LRFN2: variants seen among roughly 807,000 people sequenced by gnomAD.
LRFN2 encodes the protein leucine rich repeat and fibronectin type III domain containing 2.
In LRFN2, 18 loss-of-function variants were observed where a neutral mutation model predicts 37.3. The observed-to-expected ratio is 0.48, with a 90% CI of 0.33 to 0.72. The LOEUF (loss-of-function observed/expected upper bound fraction) is 0.72. Ranked by LOEUF, LRFN2 falls within the 30% of genes least tolerant of loss-of-function variation. The probability of loss-of-function intolerance (pLI) is 0.02; values close to 1 mark genes in which losing one functional copy is unlikely to be tolerated. For missense variants in LRFN2, 1,006 were observed against 1,060.7 expected (o/e 0.95, Z 0.72); for synonymous variants, 556 against 466.6 (o/e 1.19, Z -2.47).
Position 40,442,726 on chromosome 6 carries a change from C to T in LRFN2, c.-18-9595G>A, listed in dbSNP as rs570047069. Among the ~76,000 whole-genome samples the T allele has an allele frequency of 5.4e-4, 83 of 152,318 alleles. 2 individuals carry two copies. The South Asian group carries it at 0.016, about 30-fold the overall frequency. ...CAAGGATAAGCCCAAATTTCTGCCT[C>T]CTGGGTCTGAGGCTGACATGAGCAA... On this transcript the variant is annotated intron_variant, in intron 1 of 2. Coordinates refer to ENST00000338305, the MANE Select transcript of LRFN2 (RefSeq NM_020737.3).
At chr6:40,401,415 T>C (rs1040851881) in intron 2 of LRFN2, among the ~76,000 whole-genome samples, 1 of 152,232 alleles carries the variant, frequency 6.6e-6, no homozygotes, top group Admixed American at 6.5e-5. Context: ...GCTGGACCCT[T>C]GGGCAGGATG....
At chr6:40,460,749 G>T (rs547454175) in intron 1 of LRFN2, among the ~76,000 whole-genome samples, 1 of 152,178 alleles carries the variant, frequency 6.6e-6, no homozygotes, top group African/African-American at 2.4e-5. Flanking sequence ...CCCTGGGATA[G>T]ATCACCACAG....
At chr6:40,575,056 G>A (rs1244375236) in intron 1 of LRFN2, among the ~76,000 whole-genome samples, 1 of 152,192 alleles carries the variant, frequency 6.6e-6, no homozygotes, top group Non-Finnish European at 1.5e-5. Context: ...GATGGAGGAA[G>A]TGAGGATGTG....
intron 1 of LRFN2, among the ~76,000 whole-genome samples, chr6:40,447,879 A>G (rs1034098132): frequency 6.6e-6 from 1 of 152,170 alleles, no homozygotes; most frequent in Non-Finnish European, 1.5e-5. Flanking sequence ...GGACCCTAGG[A>G]CTGACCCCTG....
At chr6:40,440,500 G>A (rs986098884) in intron 1 of LRFN2, among the ~76,000 whole-genome samples, 11 of 152,130 alleles carry the variant, frequency 7.2e-5, no homozygotes, top group Non-Finnish European at 1.5e-4. Flanking sequence ...ATGAATAAAT[G>A]AATGAATGAA....
At chr6:40,526,451 C>T (rs1191048296) in intron 1 of LRFN2, among the ~76,000 whole-genome samples, 4 of 152,220 alleles carry the variant, frequency 2.6e-5, no homozygotes, top group Non-Finnish European at 4.4e-5. Context: ...CTTATGCTCC[C>T]AGGAAGGCGT....
At chr6:40,439,265 G>A (rs1198114065) in intron 1 of LRFN2, among the ~76,000 whole-genome samples, 1 of 152,206 alleles carries the variant, frequency 6.6e-6, no homozygotes, top group Non-Finnish European at 1.5e-5. Context: ...TCCGCTTCAG[G>A]TAAAAAGAAA....
intron 1 of LRFN2, among the ~76,000 whole-genome samples, chr6:40,505,030 A>G (rs1257488603): frequency 6.6e-6 from 1 of 152,194 alleles, no homozygotes; most frequent in African/African-American, 2.4e-5. Context: ...CAGAGGGCAG[A>G]GGTGAAGACT....
intron 1 of LRFN2, among the ~76,000 whole-genome samples, chr6:40,471,344 G>C (rs1402907487): frequency 6.6e-6 from 1 of 152,160 alleles, no homozygotes; most frequent in African/African-American, 2.4e-5. Flanking sequence ...TGAGTAGGCT[G>C]TCACTGCATG....
intron 1 of LRFN2, among the ~76,000 whole-genome samples, chr6:40,541,897 A>C (rs1375229143): frequency 6.6e-6 from 1 of 152,204 alleles, no homozygotes; most frequent in Non-Finnish European, 1.5e-5. Context: ...TATGTTATGC[A>C]AACGCCTGCA....
chr6:40,581,477 G>A (rs1163681500), intron 1 of LRFN2, among the ~76,000 whole-genome samples: 1 of 152,188 alleles, frequency 6.6e-6, no homozygotes, highest in Non-Finnish European at 1.5e-5. Flanking sequence ...CCAGCCATCA[G>A]TGCCTTGTGC....
At chr6:40,526,137 G>T (rs1031163339) in intron 1 of LRFN2, among the ~76,000 whole-genome samples, 34 of 152,364 alleles carry the variant, frequency 2.2e-4, no homozygotes, top group Admixed American at 1.8e-3. Flanking sequence ...TGCAACAAGA[G>T]TGCTACTGCT....
At chr6:40,462,255 T>C (rs1764364097) in intron 1 of LRFN2, among the ~76,000 whole-genome samples, 1 of 152,164 alleles carries the variant, frequency 6.6e-6, no homozygotes, top group African/African-American at 2.4e-5. Context: ...GAAGCATGGG[T>C]GAGCTCAGGA....
intron 1 of LRFN2, among the ~76,000 whole-genome samples, chr6:40,470,426 A>G (rs1303227527): frequency 6.6e-6 from 1 of 152,226 alleles, no homozygotes; most frequent in African/African-American, 2.4e-5. Flanking sequence ...CCTGGTCAAC[A>G]TGGTGAAACC....
At chr6:40,573,942 C>G (rs1481542054) in intron 1 of LRFN2, among the ~76,000 whole-genome samples, 2 of 152,188 alleles carry the variant, frequency 1.3e-5, no homozygotes, top group Non-Finnish European at 2.9e-5. Flanking sequence ...GCCTGGGCAA[C>G]AAGAACGAAA....
chr6:40,495,654 T>A (rs1331754232), intron 1 of LRFN2, among the ~76,000 whole-genome samples: 1 of 152,202 alleles, frequency 6.6e-6, no homozygotes, highest in Non-Finnish European at 1.5e-5. Context: ...CACAGCCATG[T>A]TGACTAGCTC....
chr6:40,510,122 C>T (rs1406452127), intron 1 of LRFN2, among the ~76,000 whole-genome samples: 1 of 150,956 alleles, frequency 6.6e-6, no homozygotes, highest in East Asian at 2.0e-4. Flanking sequence ...TGAGTGCGTG[C>T]ATGCGGGTAT....
intron 1 of LRFN2, among the ~76,000 whole-genome samples, chr6:40,546,650 A>G (rs909119210): frequency 6.6e-6 from 1 of 152,204 alleles, no homozygotes; most frequent in Non-Finnish European, 1.5e-5. Flanking sequence ...AAGCCTTGTG[A>G]TCTTGGACCA....
At chr6:40,511,599 A>G (rs972684228) in intron 1 of LRFN2, among the ~76,000 whole-genome samples, 2 of 152,148 alleles carry the variant, frequency 1.3e-5, no homozygotes, top group Admixed American at 1.3e-4. Flanking sequence ...TCTGGGAGAC[A>G]TTATGGCAAG....
Sources: allele counts gnomAD v4.1 joint callset (sites outside exome capture counted in the v4.1 genomes callset), GRCh38; gene constraint gnomAD v4.1.1; transcripts MANE v1.5; gene names NCBI Gene and HGNC (gene_info 2026-07-23, HGNC 2026-07-21).